The following AK9 variants were observed in gnomAD, a reference collection of about 807,000 sequenced individuals.
AK9 encodes adenylate kinase 9, also known as adenylate kinase domain containing 1.
In AK9, 191 loss-of-function variants were observed where a neutral mutation model predicts 239.6. The observed-to-expected ratio is 0.80, with a 90% CI of 0.71 to 0.90. The LOEUF is 0.90. Ranked by LOEUF, AK9 falls within the 40% of genes least tolerant of loss-of-function variation. The pLI is 0.00. For missense variants in AK9, 1,995 were observed against 2,214.7 expected, an observed-to-expected ratio of 0.90 and a Z score of 1.99; for synonymous variants, 689 against 721.0, an observed-to-expected ratio of 0.96 and a Z score of 0.71.
chr6:109,566,859 T>A (rs1786605086), intron 21 of AK9, among the ~76,000 whole-genome samples: 2 of 152,102 alleles, frequency 1.3e-5, no homozygotes, highest in African/African-American at 2.4e-5. Flanking sequence ...AAGGCAGAAA[T>A]AAAGATGTTC....
intron 20 of AK9, among the ~76,000 whole-genome samples, chr6:109,577,864 C>T (rs898346366): frequency 6.7e-6 from 1 of 149,376 alleles, no homozygotes; most frequent in African/African-American, 2.5e-5. Flanking sequence ...CTTTTTCTTT[C>T]TTTCTTTTTC....
intron 29 of AK9, chr6:109,528,298 A>G (rs1780770622): frequency 2.8e-6 from 1 of 353,412 alleles, no homozygotes. Context: ...AACAGAGCAA[A>G]CTTTCAGAAC....
chr6:109,515,840 G>T lies in AK9; in HGVS notation c.4065+17C>A, dbSNP rs1031769361. ...TAAATAAGGAACATGGCTTTCAGGT[G>T]CGTTTGCTGAAATTACCTTTACAGG... On this transcript the variant is annotated intron_variant, in intron 31 of 40. Coordinates refer to ENST00000424296, the MANE Select transcript of AK9 (RefSeq NM_001145128.3). 2 of 1,521,124 alleles carry T rather than the reference G, an allele frequency of 1.3e-6. No homozygotes were observed. Among genetic ancestry groups the T allele is most frequent in the African/African-American group, 1.4e-5 (1 of 72,368 alleles). 94.2% of individuals were successfully genotyped at this position (1,521,124 alleles called of 1,614,324 possible). A position where few individuals can be genotyped will look rare whatever the true frequency, so the allele number is the denominator to read the frequency against.
intron 17 of AK9, among the ~76,000 whole-genome samples, chr6:109,604,040 C>T (rs1288542665): frequency 3.3e-5 from 5 of 151,660 alleles, no homozygotes; most frequent in Admixed American, 6.6e-5. Context: ...GATGCTTCAC[C>T]GTGCTTCAGC....
At chr6:109,650,199 C>T (rs1798715718) in intron 8 of AK9, among the ~76,000 whole-genome samples, 1 of 151,682 alleles carries the variant, frequency 6.6e-6, no homozygotes, top group Non-Finnish European at 1.5e-5. Context: ...TCTAAAACAC[C>T]AAAAGCAATG....
chr6:109,541,269 A>G (rs1212513002), intron 27 of AK9, among the ~76,000 whole-genome samples: 1 of 152,232 alleles, frequency 6.6e-6, no homozygotes, highest in Non-Finnish European at 1.5e-5. Context: ...AATTATCCAT[A>G]ATCCCATATC....
chr6:109,570,519 A>G (rs529792069), intron 21 of AK9, among the ~76,000 whole-genome samples: 45 of 152,274 alleles, frequency 3.0e-4, no homozygotes, highest in African/African-American at 8.7e-4. Flanking sequence ...CTTCACCACT[A>G]TATGTGATTC....
intron 32 of AK9, 121 bp from the exon 33 acceptor site, chr6:109,509,501 C>A: frequency 1.1e-6 from 1 of 872,460 alleles, no homozygotes; most frequent in Non-Finnish European, 1.7e-6. Context: ...GATCCTGTCC[C>A]CCAAGTAGCA....
At chr6:109,537,595 C>T (rs1224071487) in intron 27 of AK9, among the ~76,000 whole-genome samples, 1 of 125,488 alleles carries the variant, frequency 8.0e-6, no homozygotes, top group African/African-American at 2.7e-5. Flanking sequence ...TTTTTTGTGT[C>T]CTATCTCTTT....
intron 9 of AK9, among the ~76,000 whole-genome samples, chr6:109,642,619 T>C (rs79541579): frequency 1.3e-5 from 2 of 151,890 alleles, no homozygotes; most frequent in South Asian, 2.1e-4. Context: ...GTGTCCCAGG[T>C]AGTAAAAAGT....
At chr6:109,520,834 C>T (rs1008672962) in intron 29 of AK9, among the ~76,000 whole-genome samples, 3 of 151,980 alleles carry the variant, frequency 2.0e-5, no homozygotes, top group Non-Finnish European at 4.4e-5. Context: ...CCTTGGTTAG[C>T]TGTACTCTTA....
chr6:109,644,796 C>T lies in AK9; in HGVS notation c.760-108G>A, dbSNP rs148357926. The T allele has an allele frequency of 8.1e-5, 70 of 859,004 alleles. No individual in the cohort carries two copies. The African/African-American group carries it at 1.1e-3, about 14-fold the overall frequency. The allele number at this position is 859,004 out of a possible 1,614,324, so 53.2% of individuals were successfully genotyped here. A position where few individuals can be genotyped will look rare whatever the true frequency, so the allele number is the denominator to read the frequency against. On this transcript the variant is annotated intron_variant, in intron 8 of 40. Transcript: ENST00000424296. Reference sequence around the variant, plus strand: ...AGATATATTTAAAGTAAATTGTTTGCCTTATACATGCTATAATGTATGTTA... The same window carrying T: ...AGATATATTTAAAGTAAATTGTTTGTCTTATACATGCTATAATGTATGTTA...
At chr6:109,582,621 A>G (rs1788992939) in intron 19 of AK9, among the ~76,000 whole-genome samples, 1 of 152,204 alleles carries the variant, frequency 6.6e-6, no homozygotes, top group Non-Finnish European at 1.5e-5. Context: ...TTGAGATGGA[A>G]TCTATTCTTG....
intron 21 of AK9, among the ~76,000 whole-genome samples, chr6:109,567,882 TAAAAAAA>T (rs71018349): frequency 7.5e-6 from 1 of 132,656 alleles, no homozygotes; most frequent in African/African-American, 3.0e-5. Context: ...TAAAGTAAAA[TAAAAAAA>T]AAAAAAAAGA....
At chr6:109,684,787 T>C (rs1773229390) in intron 1 of AK9, among the ~76,000 whole-genome samples, 1 of 129,462 alleles carries the variant, frequency 7.7e-6, no homozygotes. Flanking sequence ...GGCAGGAGAA[T>C]GGCGTGAACC....
intron 21 of AK9, among the ~76,000 whole-genome samples, chr6:109,565,646 T>C (rs1786379231): frequency 6.6e-6 from 1 of 152,168 alleles, no homozygotes; most frequent in Non-Finnish European, 1.5e-5. Flanking sequence ...TCCTGAAGGA[T>C]GTAAGACATG....
chr6:109,688,995 C>G (rs1773914013), intron 1 of AK9, among the ~76,000 whole-genome samples: 1 of 152,128 alleles, frequency 6.6e-6, no homozygotes, highest in Non-Finnish European at 1.5e-5. Flanking sequence ...GCAACCAAAA[C>G]CTTACAATGA....
At chr6:109,613,514 A>G (rs1289274953) in intron 15 of AK9, among the ~76,000 whole-genome samples, 2 of 152,046 alleles carry the variant, frequency 1.3e-5, no homozygotes, top group Non-Finnish European at 2.9e-5. Flanking sequence ...TATGCAAAGC[A>G]ATTTGACTCT....
chr6:109,564,984 G>A, intron 21 of AK9, 139 bp from the exon 22 acceptor site: 1 of 548,642 alleles, frequency 1.8e-6, no homozygotes, highest in Non-Finnish European at 3.0e-6. Context: ...TCTTGTTAGG[G>A]AAAGAACGGC....
Sources: gnomAD v4.1 joint callset for allele counts (sites outside exome capture counted in the v4.1 genomes callset) on GRCh38, gnomAD v4.1.1 for gene constraint, MANE v1.5 for transcripts, NCBI Gene and HGNC (gene_info 2026-07-23, HGNC 2026-07-21) for gene names.